Variants in FBXL17 observed in about 807,000 individuals in gnomAD.
FBXL17 encodes F-box/LRR-repeat protein 17.
A neutral mutation model predicts 66.2 loss-of-function variants in FBXL17; 22 were observed. That is an observed-to-expected ratio of 0.33 (90% CI 0.24 to 0.47). The LOEUF (loss-of-function observed/expected upper bound fraction) is 0.47. Ranked by LOEUF, FBXL17 falls within the 20% of genes least tolerant of loss-of-function variation. FBXL17 has a pLI of 1.00. For synonymous variants in FBXL17, 474 were observed against 400.5 expected, an observed-to-expected ratio of 1.18 and a Z score of -2.19; for missense variants, 878 against 948.2, an observed-to-expected ratio of 0.93 and a Z score of 0.97.
At chr5:107,871,759 A>C (rs866349584) in intron 8 of FBXL17, among the ~76,000 whole-genome samples, 14 of 152,226 alleles carry the variant, frequency 9.2e-5, no homozygotes, top group Middle Eastern at 3.4e-3. Flanking sequence ...GAAAAAAAAA[A>C]AAAACAACAA....
At position 107,885,062 on chromosome 5, in the gene FBXL17, A is replaced by G. The variant is rs75916745; in HGVS notation, c.1823-3883T>C. ...AAACTTCTAGTCTGTACCTGGGCTG[A>G]TAGGGCTGTAAATGTAATGTATCAT... is the stretch of plus-strand genomic sequence containing the variant. On this transcript the variant is annotated intron_variant, in intron 7 of 8. Coordinates refer to ENST00000542267, the MANE Select transcript of FBXL17 (RefSeq NM_001163315.3). 6.2e-4 allele frequency among the ~76,000 whole-genome samples: 95 copies of G among 152,280 alleles called. 1 individual carries two copies. The East Asian group carries it at 0.01, about 16-fold the overall frequency.
intron 1 of FBXL17, among the ~76,000 whole-genome samples, chr5:108,375,431 A>C (rs1460992880): frequency 6.6e-6 from 1 of 151,934 alleles, no homozygotes; most frequent in African/African-American, 2.4e-5. Context: ...GAGAAGACTC[A>C]AATTTTAAAA....
chr5:108,317,955 T>A (rs1200183822), intron 4 of FBXL17, among the ~76,000 whole-genome samples: 2 of 151,626 alleles, frequency 1.3e-5, no homozygotes, highest in Non-Finnish European at 3.0e-5. Flanking sequence ...GCTTTACAGA[T>A]AATTAAATAA....
At chr5:108,113,087 TA>T (rs1291222639) in intron 6 of FBXL17, among the ~76,000 whole-genome samples, 2 of 152,204 alleles carry the variant, frequency 1.3e-5, no homozygotes, top group African/African-American at 4.8e-5. Context: ...AGTTTGCTAA[TA>T]ACTCACCCAG....
chr5:108,364,418 T>G (rs988632836), intron 3 of FBXL17, among the ~76,000 whole-genome samples: 4 of 151,978 alleles, frequency 2.6e-5, no homozygotes, highest in African/African-American at 9.7e-5. Context: ...AAATGTTAAT[T>G]TTTAAAACCT....
chr5:108,133,101 C>T (rs575832182), intron 6 of FBXL17, among the ~76,000 whole-genome samples: 5 of 152,124 alleles, frequency 3.3e-5, no homozygotes, highest in African/African-American at 1.2e-4. Context: ...AACACGAAGG[C>T]AAATAGTAAA....
At chr5:108,249,412 C>T (rs915440725) in intron 4 of FBXL17, among the ~76,000 whole-genome samples, 5 of 152,276 alleles carry the variant, frequency 3.3e-5, no homozygotes, top group South Asian at 2.1e-4. Context: ...GTTTTATTTA[C>T]TATCTGGTCA....
intron 4 of FBXL17, among the ~76,000 whole-genome samples, chr5:108,294,289 A>AT (rs1242676317): frequency 1.4e-5 from 2 of 147,074 alleles, no homozygotes; most frequent in African/African-American, 4.9e-5. Flanking sequence ...ACTGAAAAAA[A>AT]AAAATATATA....
In FBXL17 at chr5:108,381,531, A is replaced by C; in HGVS notation, c.161T>G (p.Phe54Cys). ...GCAGAGCATGCAGGGCCCGCGGAAG[A>C]AGCAGTCCCGGCTCCGGGGCGCCGC... ...QPAAPRSRDC[F>C]FRGPCMLCFI... The change falls in exon 1 of 9, where the codon TTC becomes TGC. Residue 54 changes from phenylalanine to cysteine, a missense_variant. By Grantham distance (205) the Phe-to-Cys change is radical (BLOSUM62 -2). This residue lies in a region of FBXL17 where 605 missense variants were observed against 509.5 expected (regional missense o/e 1.19). Transcript: ENST00000542267. The C allele has an allele frequency of 3.5e-6, 5 of 1,417,732 alleles. No homozygotes were observed. Among genetic ancestry groups the C allele is most frequent in the South Asian group, 1.5e-5 (1 of 67,304 alleles). The allele number at this position is 1,417,732 out of a possible 1,614,324, so 87.8% of individuals were successfully genotyped here. A position where few individuals can be genotyped will look rare whatever the true frequency, so the allele number is the denominator to read the frequency against.
intron 7 of FBXL17, among the ~76,000 whole-genome samples, chr5:107,983,607 G>A (rs1446406956): frequency 6.6e-6 from 1 of 152,096 alleles, no homozygotes; most frequent in Non-Finnish European, 1.5e-5. Flanking sequence ...ACAAAACAGA[G>A]AGAAATTTAC....
chr5:108,303,571 C>T (rs1443496920), intron 4 of FBXL17, among the ~76,000 whole-genome samples: 1 of 151,836 alleles, frequency 6.6e-6, no homozygotes, highest in Non-Finnish European at 1.5e-5. Context: ...ATTCTGAAGA[C>T]TTTATTTTTC....
At chr5:108,168,974 T>C (rs773761709) in intron 6 of FBXL17, among the ~76,000 whole-genome samples, 13 of 152,226 alleles carry the variant, frequency 8.5e-5, no homozygotes, top group Non-Finnish European at 1.9e-4. Context: ...AGTGTAGCAT[T>C]GTAAAGTTAT....
At chr5:108,024,488 T>C (rs1176852903) in intron 6 of FBXL17, among the ~76,000 whole-genome samples, 1 of 152,180 alleles carries the variant, frequency 6.6e-6, no homozygotes, top group Non-Finnish European at 1.5e-5. Context: ...GAAAAAGTTA[T>C]CCAAATCAAA....
rs3039988 is a variant in FBXL17, at chr5:107,992,088, TTGTGTGTG to T, written c.1822+28829_1822+28836del. 5.2e-3 allele frequency among the ~76,000 whole-genome samples: 782 copies of T among 149,212 alleles called. 7 individuals are homozygous for T. The highest frequency in any genetic ancestry group is 0.013 in the African/African-American group (515 of 40,656). ...TACATGCACACACATATCATATTAA[TTGTGTGTG>T]TGTGTGTGTGTGTGTGTGTGTGTAA... On this transcript the variant is annotated intron_variant, in intron 7 of 8. Transcript: ENST00000542267.
intron 7 of FBXL17, among the ~76,000 whole-genome samples, chr5:107,896,874 T>C (rs994978589): frequency 2.2e-4 from 34 of 152,004 alleles, no homozygotes; most frequent in African/African-American, 7.7e-4. Context: ...TGTGAAATAC[T>C]ACACATTTTT....
Position 108,143,028 on chromosome 5 carries a change from C to G in FBXL17, c.1745+43089G>C, listed in dbSNP as rs1183254046. On this transcript the variant is annotated intron_variant, in intron 6 of 8. Coordinates refer to ENST00000542267, the MANE Select transcript of FBXL17 (RefSeq NM_001163315.3). Reference sequence around the variant, plus strand: ...AAAGATTCTCACAGGAGCATGAACCCTGTTATGAACTGCTCAAGTGAGGGA... The same window carrying G: ...AAAGATTCTCACAGGAGCATGAACCGTGTTATGAACTGCTCAAGTGAGGGA... Among the ~76,000 whole-genome samples, 3 of 138,580 alleles carry G rather than the reference C, an allele frequency of 2.2e-5. No homozygotes were observed. The South Asian group carries it at 6.9e-4, about 32-fold the overall frequency. The allele number at this position is 138,580 out of a possible 152,430, so 90.9% of individuals were successfully genotyped here. A position where few individuals can be genotyped will look rare whatever the true frequency, so the allele number is the denominator to read the frequency against.
rs145389487 is a variant in FBXL17, at chr5:108,350,206, A to G, written c.1375-1676T>C. ...GGCTGAGGTTGGGGCTAAAAATACT[A>G]GAATTCTTGAAAGTCTGTTTAAAAA... On this transcript the variant is annotated intron_variant, in intron 3 of 8. Coordinates refer to ENST00000542267, the MANE Select transcript of FBXL17 (RefSeq NM_001163315.3). Among the ~76,000 whole-genome samples the G allele has an allele frequency of 9.2e-5, 14 of 152,302 alleles. No homozygotes were observed. In the East Asian group the frequency reaches 2.7e-3, roughly 29 times the overall value.
intron 5 of FBXL17, among the ~76,000 whole-genome samples, chr5:108,220,871 A>G (rs191602408): frequency 1.6e-3 from 245 of 152,312 alleles, no homozygotes; most frequent in Middle Eastern, 3.4e-3. Flanking sequence ...GGTACACTAC[A>G]ATGAAAAGAA....
intron 6 of FBXL17, among the ~76,000 whole-genome samples, chr5:108,160,832 T>C (rs574765275): frequency 1.3e-5 from 2 of 152,280 alleles, no homozygotes; most frequent in African/African-American, 2.4e-5. Context: ...GCCCACATAA[T>C]TCTGTGGGGA....
Sources: allele counts gnomAD v4.1 joint callset (sites outside exome capture counted in the v4.1 genomes callset), GRCh38; gene constraint gnomAD v4.1.1; regional missense constraint gnomAD v4.1.1; transcripts MANE v1.5; gene names NCBI Gene and HGNC (gene_info 2026-07-23, HGNC 2026-07-21).